The following TSPAN32 variants were observed in gnomAD, a reference collection of about 807,000 sequenced individuals.
TSPAN32 encodes the protein tetraspanin 32.
TSPAN32 carries 47 observed loss-of-function variants against 42.7 expected under a neutral mutation model. That is an observed-to-expected ratio of 1.10 (90% confidence interval 0.87 to 1.40). TSPAN32 has a LOEUF of 1.40. Ranked by LOEUF, TSPAN32 falls within the 40% of genes most tolerant of loss-of-function variation. The probability of loss-of-function intolerance (pLI) is 0.00; values close to 1 mark genes in which losing one functional copy is unlikely to be tolerated. For missense variants in TSPAN32, 469 were observed against 424.1 expected (o/e 1.11, Z -0.93); for synonymous variants, 175 against 175.9 (o/e 0.99, Z 0.04).
At position 2,316,104 on chromosome 11, in the gene TSPAN32, C is replaced by T. The variant is rs2234306; in HGVS notation, c.544-125C>T. On this transcript the variant is annotated intron_variant, in intron 6 of 9. Transcript: ENST00000182290. The stretch of plus-strand genomic sequence containing the variant: ...GGGGGCTTCCTAGGAATGTGCCGCA[C>T]CCGCCGCCCTGCTGCCCTGGCATTG... 2.0e-3 allele frequency: 2,998 copies of T among 1,526,302 alleles called. 41 individuals carry two copies. In the African/African-American group the frequency reaches 0.03, roughly 15 times the overall value. The allele number at this position is 1,526,302 out of a possible 1,614,324, so 94.5% of individuals were successfully genotyped here.
rs59548260 is a variant in TSPAN32 at position 2,317,299 on chromosome 11, C to A, written c.720-45C>A. 6.7e-7 allele frequency: 1 copy of A among 1,487,880 alleles called. No homozygotes were observed. The highest frequency in any genetic ancestry group is 1.4e-5 in the African/African-American group (1 of 72,020). The allele number at this position is 1,487,880 out of a possible 1,614,324, so 92.2% of individuals were successfully genotyped here. A position where few individuals can be genotyped will look rare whatever the true frequency, so the allele number is the denominator to read the frequency against. On this transcript the variant is annotated intron_variant, in intron 8 of 9. Transcript: ENST00000182290. The surrounding 1 kb of genome is among the most constrained non-coding windows in gnomAD (Gnocchi z 6.2). ...ATTCCACAATAGCCTCACAGGTCCC[C>A]TGTAGAACATTCCACCACAGCCCCA...
chr11:2,302,263 G>C lies in TSPAN32; in HGVS notation c.66+48G>C, dbSNP rs944828439. On this transcript the variant is annotated intron_variant, in intron 1 of 9. Coordinates refer to ENST00000182290, the MANE Select transcript of TSPAN32 (RefSeq NM_139022.3). ...GTGGGTGGTGGGTGGGGGTGAGCAG[G>C]GGTGAGGGGTGGCAGGGCCTCAGCA... 2.2e-6 allele frequency: 3 copies of C among 1,360,146 alleles called. No homozygotes were observed. In the African/African-American group the frequency reaches 4.4e-5, roughly 20 times the overall value. 84.3% of individuals were successfully genotyped at this position (1,360,146 alleles called of 1,614,324 possible).
intron 6 of TSPAN32, chr11:2,315,444 G>A (rs899036502): frequency 1.8e-6 from 2 of 1,131,400 alleles, no homozygotes; most frequent in Non-Finnish European, 2.2e-6. Flanking sequence ...GACTGAAAAG[G>A]CCCCCGACTG....
intron 6 of TSPAN32, chr11:2,315,298 T>C: frequency 1.7e-6 from 2 of 1,177,858 alleles, no homozygotes; most frequent in Non-Finnish European, 2.1e-6. Context: ...AGCAAATGGC[T>C]GGAGGCCTGG....
At chr11:2,315,741 T>C (rs1410405521) in intron 6 of TSPAN32, 9 of 1,228,568 alleles carry the variant, frequency 7.3e-6, no homozygotes, top group Non-Finnish European at 9.4e-6. Flanking sequence ...CTGGGTGCCA[T>C]GCCCTGGGGT....
At chr11:2,302,769 C>A in intron 1 of TSPAN32, 75 bp from the exon 2 acceptor site, 1 of 1,269,118 alleles carries the variant, frequency 7.9e-7, no homozygotes, top group Non-Finnish European at 1.1e-6. Context: ...GAGCCCCAAC[C>A]CTGCCCGCTG....
At chr11:2,312,730 C>T (rs1848534888) in intron 4 of TSPAN32, among the ~76,000 whole-genome samples, 1 of 152,222 alleles carries the variant, frequency 6.6e-6, no homozygotes, top group Non-Finnish European at 1.5e-5. Flanking sequence ...TAGAGCGGGC[C>T]TGGGGCTTCC....
intron 2 of TSPAN32, 75 bp downstream of exon 2, chr11:2,303,033 C>A: frequency 1.5e-6 from 2 of 1,342,928 alleles, no homozygotes; most frequent in East Asian, 2.3e-5. Context: ...CCCAGCTGGA[C>A]GCCTCACAGC....
At chr11:2,303,952 C>T (rs1181600631) in intron 2 of TSPAN32, among the ~76,000 whole-genome samples, 155 bp from the exon 3 acceptor site, 1 of 152,154 alleles carries the variant, frequency 6.6e-6, no homozygotes, top group African/African-American at 2.4e-5. Context: ...CTCCTCCTTC[C>T]CTCAGGGCCG....
Position 2,308,818 on chromosome 11 carries a change from C to T in TSPAN32, c.354+8C>T. ...CTCCACAGCCCCACCCAGGTGAGCACCAGCTGCCCCTACCCTGCAGTGGAG... is the reference window on the plus strand; with the variant it reads ...CTCCACAGCCCCACCCAGGTGAGCATCAGCTGCCCCTACCCTGCAGTGGAG... On this transcript the variant is annotated splice_region_variant and intron_variant, in intron 4 of 9. Coordinates refer to ENST00000182290, the MANE Select transcript of TSPAN32 (RefSeq NM_139022.3). 2 of 1,554,320 alleles carry T rather than the reference C, an allele frequency of 1.3e-6. No homozygotes were observed. Among genetic ancestry groups the T allele is most frequent in the Non-Finnish European group, 1.7e-6 (2 of 1,146,032 alleles).
rs748525524 is a variant in TSPAN32, at chr11:2,316,531, C to T, written c.628-45C>T. The T allele has an allele frequency of 6.8e-6, 11 of 1,609,758 alleles. No individual in the cohort carries two copies. The East Asian group carries it at 2.5e-4, about 36-fold the overall frequency. On this transcript the variant is annotated intron_variant, in intron 7 of 9. Coordinates refer to ENST00000182290, the MANE Select transcript of TSPAN32 (RefSeq NM_139022.3). Reference sequence around the variant, plus strand: ...CCTGATGCTTCCTGGGGAGGGGCGCCCGCACCCTGGGGCAGTGGGGCAGCC... The same window carrying T: ...CCTGATGCTTCCTGGGGAGGGGCGCTCGCACCCTGGGGCAGTGGGGCAGCC...
At position 2,317,384 on chromosome 11, in the gene TSPAN32, T is replaced by C; in HGVS notation, c.760T>C (p.Cys254Arg). The change falls in exon 9 of 10, where the codon TGC (cysteine) becomes CGC (arginine). Residue 254 changes from cysteine to arginine, a missense_variant. Transcript: ENST00000182290. This position sits in a 1 kb window ranked among gnomAD's most constrained non-coding sequence, Gnocchi z 6.2. ...RQPQEPSLLR[C>R]SQGGPTHCLH... ...GCCCCAGGAGCCCAGCCTCTTGAGA[T>C]GCTCCCAGGGTGGACCCACACATTG... The C allele has an allele frequency of 1.3e-6, 2 of 1,598,638 alleles. No individual in the cohort carries two copies. The highest frequency in any genetic ancestry group is 1.7e-6 in the Non-Finnish European group (2 of 1,172,616).
chr11:2,311,026 G>A (rs752103948), intron 4 of TSPAN32, among the ~76,000 whole-genome samples: 158 of 152,350 alleles, frequency 1.0e-3, no homozygotes, highest in Non-Finnish European at 2.0e-3. Flanking sequence ...TGTTGGCACC[G>A]GAAACGTCGA....
intron 4 of TSPAN32, among the ~76,000 whole-genome samples, chr11:2,311,150 C>G (rs559852182): frequency 1.3e-5 from 2 of 152,308 alleles, no homozygotes; most frequent in East Asian, 3.9e-4. Context: ...TCATGTGGTG[C>G]CCCTGCGGAT....
chr11:2,307,508 C>T (rs1318809673), intron 3 of TSPAN32, among the ~76,000 whole-genome samples: 2 of 152,118 alleles, frequency 1.3e-5, no homozygotes, highest in South Asian at 4.1e-4. Context: ...GTCCTCAGGG[C>T]ACCAGCATGA....
At chr11:2,305,376 C>A (rs887686230) in intron 3 of TSPAN32, among the ~76,000 whole-genome samples, 2 of 150,340 alleles carry the variant, frequency 1.3e-5, no homozygotes, top group East Asian at 1.9e-4. Flanking sequence ...GTCTGCCCCC[C>A]CCCCCAGAGG....
rs1370534826 is a variant in TSPAN32, at chr11:2,304,500, T to A, written c.279+296T>A. Among the ~76,000 whole-genome samples, 1 of 150,892 alleles carries A rather than the reference T, an allele frequency of 6.6e-6. No individual in the cohort carries two copies. The highest frequency in any genetic ancestry group is 2.0e-4 in the East Asian group (1 of 5,040). On this transcript the variant is annotated intron_variant, in intron 3 of 9. Transcript: ENST00000182290. The surrounding 1 kb of genome is among the most constrained non-coding windows in gnomAD (Gnocchi z 4.8). ...GCCCAACAAGGGTTCCTATAGGAGC[T>A]CTGAAAGAGAGAGACGGCCCTCCTG...
chr11:2,311,908 C>T (rs530947509), intron 4 of TSPAN32, among the ~76,000 whole-genome samples: 22 of 152,346 alleles, frequency 1.4e-4, no homozygotes, highest in Admixed American at 9.8e-4. Context: ...GCAGCCGGCC[C>T]GGCCTCCAGG....
At chr11:2,310,838 G>A (rs1439109606) in intron 4 of TSPAN32, among the ~76,000 whole-genome samples, 3 of 152,208 alleles carry the variant, frequency 2.0e-5, no homozygotes, top group Non-Finnish European at 4.4e-5. Context: ...CCTGGGTGTG[G>A]ATGGAGTGGC....
Sources: allele counts gnomAD v4.1 joint callset (sites outside exome capture counted in the v4.1 genomes callset), GRCh38; gene constraint gnomAD v4.1.1; non-coding constraint Gnocchi (gnomAD v3.1); transcripts MANE v1.5; gene names NCBI Gene and HGNC (gene_info 2026-07-23, HGNC 2026-07-21).